The following CEP170 variants were observed in gnomAD, a reference collection of about 807,000 sequenced individuals.
The protein encoded by CEP170 is centrosomal protein 170.
In CEP170, 21 loss-of-function variants were observed where a neutral mutation model predicts 151.9. That is an observed-to-expected ratio of 0.14 (90% CI 0.10 to 0.20). CEP170 has a LOEUF of 0.20. Ranked by LOEUF, CEP170 falls within the 10% of genes least tolerant of loss-of-function variation. The pLI is 1.00. For missense variants in CEP170, 964 were observed against 1,892.9 expected (o/e 0.51, Z 9.11); for synonymous variants, 356 against 648.8 (o/e 0.55, Z 6.86).
At chr1:243,176,090 C>A (rs1470692066) in intron 10 of CEP170, among the ~76,000 whole-genome samples, 3 of 152,168 alleles carry the variant, frequency 2.0e-5, no homozygotes, top group Non-Finnish European at 4.4e-5. Flanking sequence ...GCCACAACGC[C>A]CGGCCTCAAA....
intron 14 of CEP170, among the ~76,000 whole-genome samples, chr1:243,142,858 G>A (rs1000578835): frequency 4.6e-5 from 7 of 152,068 alleles, no homozygotes; most frequent in African/African-American, 9.7e-5. Flanking sequence ...TCTAAGTGAC[G>A]CTTAGCATTT....
chr1:243,250,024 C>T (rs1488394938), intron 1 of CEP170, among the ~76,000 whole-genome samples: 1 of 152,132 alleles, frequency 6.6e-6, no homozygotes, highest in South Asian at 2.1e-4. Flanking sequence ...TAAGCCGAGA[C>T]TGAGCCACTG....
chr1:243,226,168 G>GAT (rs548955335), intron 1 of CEP170, among the ~76,000 whole-genome samples: 10 of 83,964 alleles, frequency 1.2e-4, no homozygotes, highest in South Asian at 4.7e-4. Flanking sequence ...TCTCTCTATA[G>GAT]ATATATATAT....
At chr1:243,225,782 A>G (rs2063171495) in intron 1 of CEP170, among the ~76,000 whole-genome samples, 1 of 152,110 alleles carries the variant, frequency 6.6e-6, no homozygotes, top group African/African-American at 2.4e-5. Flanking sequence ...TTGACCAAAT[A>G]AATTGCTCTT....
chr1:243,243,696 G>GT (rs1416458788), intron 1 of CEP170, among the ~76,000 whole-genome samples: 1 of 151,776 alleles, frequency 6.6e-6, no homozygotes, highest in Non-Finnish European at 1.5e-5. Flanking sequence ...GCTCATTTTT[G>GT]TATTTTTTTA....
At chr1:243,189,499 T>C (rs1399871953) in intron 8 of CEP170, among the ~76,000 whole-genome samples, 2 of 143,166 alleles carry the variant, frequency 1.4e-5, no homozygotes, top group African/African-American at 5.3e-5. Flanking sequence ...GAGCTTGCAG[T>C]GAGCCGAGAT....
intron 10 of CEP170, among the ~76,000 whole-genome samples, chr1:243,175,599 T>C (rs1292802202): frequency 1.3e-5 from 2 of 152,186 alleles, no homozygotes; most frequent in African/African-American, 2.4e-5. Context: ...ACCTACAGTC[T>C]GAAAAAAGAG....
chr1:243,132,310 C>T (rs555987418), intron 17 of CEP170, among the ~76,000 whole-genome samples: 4,791 of 152,234 alleles, frequency 0.031, 89 homozygotes, highest in Non-Finnish European at 0.046. Flanking sequence ...CTTCCCTAAA[C>T]CTCCTAGGTG....
At chr1:243,216,696 G>T (rs2062334277) in intron 3 of CEP170, among the ~76,000 whole-genome samples, 1 of 152,142 alleles carries the variant, frequency 6.6e-6, no homozygotes, top group Non-Finnish European at 1.5e-5. Flanking sequence ...TATATATAGA[G>T]ATAGGGGAAT....
chr1:243,245,200 C>T (rs2065253166), intron 1 of CEP170, among the ~76,000 whole-genome samples: 1 of 151,472 alleles, frequency 6.6e-6, no homozygotes. Flanking sequence ...AATACAATGG[C>T]CAATAAGCAC....
Position 243,170,649 on chromosome 1 carries a change from C to G in CEP170, c.1717-895G>C, listed in dbSNP as rs573047229. On this transcript the variant is annotated intron_variant, in intron 11 of 19. Coordinates refer to ENST00000366542, the MANE Select transcript of CEP170 (RefSeq NM_014812.3). ...TCTCTACGAAAAACACAAAAATTAG[C>G]CGGGCGTGGTGGCATGCACCTGTAG... Among the ~76,000 whole-genome samples, 14 of 152,236 alleles carry G rather than the reference C, an allele frequency of 9.2e-5. No individual in the cohort carries two copies. In the East Asian group the frequency reaches 2.7e-3, roughly 30 times the overall value.
At chr1:243,235,038 G>A (rs774069384) in intron 1 of CEP170, among the ~76,000 whole-genome samples, 22 of 152,090 alleles carry the variant, frequency 1.4e-4, no homozygotes, top group Non-Finnish European at 2.6e-4. Flanking sequence ...CCATTTTATA[G>A]AGTACTATAA....
intron 14 of CEP170, among the ~76,000 whole-genome samples, chr1:243,147,637 C>A (rs1056128039): frequency 2.6e-5 from 4 of 152,128 alleles, no homozygotes; most frequent in African/African-American, 9.7e-5. Context: ...ATATATGGAT[C>A]CTTGAAATGT....
At chr1:243,219,339 G>A (rs183990299) in intron 3 of CEP170, among the ~76,000 whole-genome samples, 1 of 152,226 alleles carries the variant, frequency 6.6e-6, no homozygotes, top group Non-Finnish European at 1.5e-5. Flanking sequence ...GTATATATGA[G>A]GAAACTGAAT....
At chr1:243,198,766 T>A (rs1280720359) in intron 7 of CEP170, among the ~76,000 whole-genome samples, 1 of 152,082 alleles carries the variant, frequency 6.6e-6, no homozygotes, top group African/African-American at 2.4e-5. Context: ...AAACTTAAAA[T>A]GCCTAGTTAT....
chr1:243,249,575 ATAT>A (rs2149193300), intron 1 of CEP170, among the ~76,000 whole-genome samples: 1 of 152,288 alleles, frequency 6.6e-6, no homozygotes, highest in South Asian at 2.1e-4. Context: ...TCTTTTCAAA[ATAT>A]TATTTGAAAA....
chr1:243,253,758 G>A (rs1241591921), intron 1 of CEP170, among the ~76,000 whole-genome samples: 1 of 152,120 alleles, frequency 6.6e-6, no homozygotes, highest in Non-Finnish European at 1.5e-5. Flanking sequence ...CTCTTCTGGT[G>A]TGTTTTAAGA....
At chr1:243,224,469 C>CA (rs1293778533) in intron 2 of CEP170, among the ~76,000 whole-genome samples, 6 of 150,452 alleles carry the variant, frequency 4.0e-5, no homozygotes, top group South Asian at 2.1e-4. Context: ...AAAAAAATTG[C>CA]AAAAAAAACA....
chr1:243,242,788 C>A (rs527547342), intron 1 of CEP170, among the ~76,000 whole-genome samples: 133 of 152,290 alleles, frequency 8.7e-4, no homozygotes, highest in African/African-American at 2.9e-3. Flanking sequence ...GCAACCTCCG[C>A]CTCCCAGGTT....
Sources: allele counts gnomAD v4.1 joint callset (sites outside exome capture counted in the v4.1 genomes callset), GRCh38; gene constraint gnomAD v4.1.1; transcripts MANE v1.5; gene names NCBI Gene and HGNC (gene_info 2026-07-23, HGNC 2026-07-21).